Variants in CDA observed in about 807,000 individuals in gnomAD.
CDA encodes the protein cytidine deaminase.
Under a neutral mutation model 15.0 loss-of-function variants are expected in CDA, and 7 were observed. The observed-to-expected ratio is 0.47, with a 90% confidence interval of 0.26 to 0.87. The LOEUF is 0.87. Ranked by LOEUF, CDA falls within the 40% of genes least tolerant of loss-of-function variation. CDA has a pLI of 0.15. For missense variants in CDA, 159 were observed against 182.7 expected (o/e 0.87, Z 0.75); for synonymous variants, 58 against 73.0 (o/e 0.79, Z 1.05).
At chr1:20,601,358 A>G (rs1284871810) in intron 1 of CDA, among the ~76,000 whole-genome samples, 2 of 152,246 alleles carry the variant, frequency 1.3e-5, no homozygotes, top group Non-Finnish European at 2.9e-5. Flanking sequence ...AGGAGACAAG[A>G]TGGCAGCTCC....
chr1:20,600,136 C>A (rs187109775), intron 1 of CDA, among the ~76,000 whole-genome samples: 1 of 152,340 alleles, frequency 6.6e-6, no homozygotes, highest in East Asian at 1.9e-4. Context: ...AGGAAGATTT[C>A]TGTCTCTGAG....
At chr1:20,611,864 T>C (rs190424534) in intron 2 of CDA, among the ~76,000 whole-genome samples, 4 of 152,112 alleles carry the variant, frequency 2.6e-5, no homozygotes, top group Admixed American at 2.6e-4. Flanking sequence ...TACTGTTTTT[T>C]TGTTTGTTTG....
At chr1:20,609,831 C>T (rs1308428207) in intron 2 of CDA, among the ~76,000 whole-genome samples, 1 of 152,190 alleles carries the variant, frequency 6.6e-6, no homozygotes, top group African/African-American at 2.4e-5. Context: ...CACTCGGCAT[C>T]CTGGGCAGGA....
In CDA at chr1:20,618,450, A is replaced by G; in HGVS notation, c.325-2A>G. ...CTCACGCCAGCTTTGCCTCTTTTCC[A>G]GTTTGGCACCAACTGGCCCGTGTAC... is the stretch of plus-strand genomic sequence containing the variant. On this transcript the variant is annotated splice_acceptor_variant, in intron 3 of 3. Coordinates refer to ENST00000375071, the MANE Select transcript of CDA (RefSeq NM_001785.3). LOFTEE classifies it high-confidence loss of function. 1.3e-6 allele frequency: 2 copies of G among 1,596,860 alleles called. No homozygotes were observed. The highest frequency in any genetic ancestry group is 1.7e-6 in the Non-Finnish European group (2 of 1,165,528).
chr1:20,615,646 T>A (rs2052794923), intron 3 of CDA, among the ~76,000 whole-genome samples: 1 of 151,496 alleles, frequency 6.6e-6, no homozygotes, highest in African/African-American at 2.4e-5. Flanking sequence ...TCCTCTAGAG[T>A]CCCAAAAGAT....
intron 2 of CDA, among the ~76,000 whole-genome samples, chr1:20,612,414 C>G: frequency 8.3e-6 from 1 of 120,010 alleles, no homozygotes; most frequent in Admixed American, 9.4e-5. Context: ...TTGTTCCTTC[C>G]CCACCCCAAC....
chr1:20,612,986 A>G (rs1381676887), intron 2 of CDA, among the ~76,000 whole-genome samples: 1 of 150,106 alleles, frequency 6.7e-6, no homozygotes, highest in Non-Finnish European at 1.5e-5. Flanking sequence ...CTCTCTTTAC[A>G]CAGACGTGCG....
At chr1:20,599,454 C>CA (rs1384707165) in intron 1 of CDA, among the ~76,000 whole-genome samples, 1 of 151,194 alleles carries the variant, frequency 6.6e-6, no homozygotes, top group Non-Finnish European at 1.5e-5. Context: ...CCATCTCTAC[C>CA]AAAAATACAA....
In CDA at chr1:20,597,357, C is replaced by T. The variant is rs570813587; in HGVS notation, c.155-7571C>T. ...TTGGGAGGCTGAGGCAGGAGAATGGCGTGAACCTGGGAGGCGGAGCTTGCA... is the reference window on the plus strand; with the variant it reads ...TTGGGAGGCTGAGGCAGGAGAATGGTGTGAACCTGGGAGGCGGAGCTTGCA... On this transcript the variant is annotated intron_variant, in intron 1 of 3. Transcript: ENST00000375071. Among the ~76,000 whole-genome samples the T allele has an allele frequency of 7.2e-5, 11 of 152,282 alleles. No homozygotes were observed. In the East Asian group the frequency reaches 1.3e-3, roughly 19 times the overall value.
chr1:20,608,376 C>T (rs2052713302), intron 2 of CDA, among the ~76,000 whole-genome samples: 1 of 71,600 alleles, frequency 1.4e-5, no homozygotes, highest in Non-Finnish European at 3.3e-5. Context: ...GTATGTAATA[C>T]ATTCAAACTA....
intron 2 of CDA, among the ~76,000 whole-genome samples, chr1:20,606,129 A>C (rs1386295564): frequency 8.1e-6 from 1 of 124,158 alleles, no homozygotes; most frequent in African/African-American, 2.8e-5. Flanking sequence ...GGGCTCCAGT[A>C]TCCGATAGCC....
At chr1:20,601,477 G>A (rs2052643535) in intron 1 of CDA, among the ~76,000 whole-genome samples, 1 of 152,158 alleles carries the variant, frequency 6.6e-6, no homozygotes, top group African/African-American at 2.4e-5. Flanking sequence ...TCTACCCTTT[G>A]GTGCTCAGTA....
At chr1:20,604,025 A>G (rs900682533) in intron 1 of CDA, among the ~76,000 whole-genome samples, 3 of 148,434 alleles carry the variant, frequency 2.0e-5, no homozygotes, top group Non-Finnish European at 4.5e-5. Flanking sequence ...CAACTCGCAC[A>G]AAGCTCGAGG....
At chr1:20,612,669 C>A (rs2052763103) in intron 2 of CDA, among the ~76,000 whole-genome samples, 1 of 152,104 alleles carries the variant, frequency 6.6e-6, no homozygotes. Flanking sequence ...TCACACAAAG[C>A]CTGTTGGTGG....
At chr1:20,602,984 T>A (rs2052660252) in intron 1 of CDA, among the ~76,000 whole-genome samples, 1 of 152,136 alleles carries the variant, frequency 6.6e-6, no homozygotes, top group African/African-American at 2.4e-5. Context: ...AGATGACACA[T>A]CACATCTTTG....
intron 3 of CDA, among the ~76,000 whole-genome samples, chr1:20,614,805 G>A (rs2052786947): frequency 6.6e-6 from 1 of 152,166 alleles, no homozygotes; most frequent in African/African-American, 2.4e-5. Context: ...AGATCACATG[G>A]GGCCTGGCCA....
intron 1 of CDA, among the ~76,000 whole-genome samples, chr1:20,600,434 T>C (rs1420694991): frequency 2.6e-5 from 4 of 151,846 alleles, no homozygotes; most frequent in Non-Finnish European, 2.9e-5. Flanking sequence ...TGAGCAGATA[T>C]GGCAGGTGAG....
At chr1:20,604,875 G>T (rs1008105748) in intron 1 of CDA, 53 bp from the exon 2 acceptor site, 3 of 1,187,672 alleles carry the variant, frequency 2.5e-6, no homozygotes, top group Middle Eastern at 1.9e-4. Context: ...CTCAACACAC[G>T]CAACAGGAAG....
intron 3 of CDA, among the ~76,000 whole-genome samples, chr1:20,614,773 G>A (rs2052786828): frequency 6.6e-6 from 1 of 152,196 alleles, no homozygotes. Context: ...TGGGATTGAA[G>A]TCAGAGGGGT....
Sources: gnomAD v4.1 joint callset for allele counts (sites outside exome capture counted in the v4.1 genomes callset) on GRCh38, gnomAD v4.1.1 for gene constraint, MANE v1.5 for transcripts, NCBI Gene and HGNC (gene_info 2026-07-23, HGNC 2026-07-21) for gene names.